Variants in LRCH3 observed in about 807,000 individuals in gnomAD.
LRCH3 encodes the protein DISP complex protein LRCH3.
Under a neutral mutation model 104.5 loss-of-function variants are expected in LRCH3, and 68 were observed. That is an observed-to-expected ratio of 0.65 (90% confidence interval 0.54 to 0.80). The LOEUF (loss-of-function observed/expected upper bound fraction) is 0.80, where lower values mean the gene tolerates loss of function less well. LRCH3 is among the 30% of genes least tolerant of loss of function. The pLI is 0.00. For missense variants in LRCH3, 951 were observed against 953.9 expected (o/e 1.00, Z 0.04); for synonymous variants, 344 against 361.3 (o/e 0.95, Z 0.54).
Position 197,847,903 on chromosome 3 carries a change from G to C in LRCH3, c.1412G>C (p.Arg471Thr). 1 of 1,614,082 alleles carries C rather than the reference G, an allele frequency of 6.2e-7. No homozygotes were observed. The highest frequency in any genetic ancestry group is 8.5e-7 in the Non-Finnish European group (1 of 1,180,004). Residue 471 changes from arginine to threonine, a missense_variant, in exon 12 of 21, where the codon AGA (arginine) becomes ACA (threonine). Physicochemically the swap from Arg to Thr is moderately conservative, Grantham distance 71. Coordinates refer to ENST00000425562, the MANE Select transcript of LRCH3 (RefSeq NM_001365715.1). ...LSHTDLELHQ[R>T]REQLVERTRR... ...CACACAGACCTGGAACTTCATCAGA[G>C]AAGGGAGCAGTTAGTAGAGCGCACT...
At chr3:197,851,541 A>C (rs75048108) in intron 12 of LRCH3, among the ~76,000 whole-genome samples, 2,694 of 152,334 alleles carry the variant, frequency 0.018, 102 homozygotes, top group African/African-American at 0.062. Context: ...GCCTAAATTC[A>C]GAAATCTCTG....
chr3:197,873,466 C>A (rs1465276488), intron 19 of LRCH3, among the ~76,000 whole-genome samples: 2 of 152,064 alleles, frequency 1.3e-5, no homozygotes, highest in African/African-American at 4.8e-5. Flanking sequence ...GTGGTTCACA[C>A]TTGTGAGCTC....
Position 197,810,768 on chromosome 3 carries a change from C to G in LRCH3, c.263-4140C>G, listed in dbSNP as rs552772227. ...AAAGGAAAAAGTACATTTGTTTCAT[C>G]TTCCCAGAAGCGGAAGTCACTAAAA... is the stretch of plus-strand genomic sequence containing the variant. On this transcript the variant is annotated intron_variant, in intron 1 of 20. Transcript: ENST00000425562. This position sits in a 1 kb window ranked among gnomAD's most constrained non-coding sequence, Gnocchi z 4.0. Among the ~76,000 whole-genome samples the G allele has an allele frequency of 5.9e-5, 9 of 152,028 alleles. No individual in the cohort carries two copies. The East Asian group carries it at 1.7e-3, about 29-fold the overall frequency.
At chr3:197,858,242 A>G (rs1015761423) in intron 14 of LRCH3, among the ~76,000 whole-genome samples, 7 of 152,298 alleles carry the variant, frequency 4.6e-5, no homozygotes, top group African/African-American at 1.7e-4. Flanking sequence ...TATAGATACA[A>G]TCTATCTCTA....
At chr3:197,869,497 C>G in intron 17 of LRCH3, among the ~76,000 whole-genome samples, 1 of 149,202 alleles carries the variant, frequency 6.7e-6, no homozygotes, top group Non-Finnish European at 1.5e-5. Context: ...AAGCGGTGCA[C>G]TGTACCTGCA....
intron 17 of LRCH3, among the ~76,000 whole-genome samples, chr3:197,868,603 A>T (rs1444195094): frequency 6.6e-6 from 1 of 152,242 alleles, no homozygotes; most frequent in Non-Finnish European, 1.5e-5. Flanking sequence ...GTCCATCAAG[A>T]GAATGGATAA....
intron 20 of LRCH3, chr3:197,882,925 A>T (rs983006677): frequency 1.0e-6 from 1 of 985,366 alleles, no homozygotes; most frequent in South Asian, 4.7e-5. Flanking sequence ...CAGATTTTTA[A>T]TTCAGACAGG....
chr3:197,865,170 G>T (rs189940036), intron 15 of LRCH3, among the ~76,000 whole-genome samples: 1 of 152,040 alleles, frequency 6.6e-6, no homozygotes, highest in African/African-American at 2.4e-5. Flanking sequence ...TAGACGTTTT[G>T]TAGAGACAGG....
chr3:197,838,041 C>T (rs1252753820), intron 9 of LRCH3, among the ~76,000 whole-genome samples: 4 of 150,974 alleles, frequency 2.6e-5, no homozygotes, highest in South Asian at 4.2e-4. Flanking sequence ...GCCTAGGTGA[C>T]AGAGCAAGAT....
At chr3:197,842,079 C>T (rs1260331734) in intron 10 of LRCH3, among the ~76,000 whole-genome samples, 1 of 152,058 alleles carries the variant, frequency 6.6e-6, no homozygotes, top group African/African-American at 2.4e-5. Flanking sequence ...AAGTACTAAC[C>T]CTCCTGCTTT....
intron 1 of LRCH3, 112 bp downstream of exon 1, chr3:197,791,652 G>C: frequency 8.0e-7 from 1 of 1,253,866 alleles, no homozygotes; most frequent in Non-Finnish European, 1.1e-6. Flanking sequence ...TAGGCGCCGG[G>C]TCCGGACCCG....
At chr3:197,792,439 C>T (rs7646134) in intron 1 of LRCH3, among the ~76,000 whole-genome samples, 1,883 of 149,232 alleles carry the variant, frequency 0.013, 36 homozygotes, top group African/African-American at 0.044. Flanking sequence ...GTCTGGTGCC[C>T]GAGTTGTTCA....
At chr3:197,869,838 G>C (rs1387489721) in intron 17 of LRCH3, among the ~76,000 whole-genome samples, 7 of 146,442 alleles carry the variant, frequency 4.8e-5, no homozygotes, top group Non-Finnish European at 9.0e-5. Flanking sequence ...TGTACCTGCA[G>C]GAGGTAGAAA....
chr3:197,791,612 G>A, intron 1 of LRCH3, 72 bp downstream of exon 1: 1 of 1,453,272 alleles, frequency 6.9e-7, no homozygotes, highest in Non-Finnish European at 9.0e-7. Context: ...GGGGGAGGCG[G>A]ATGCGGGGGA....
At position 197,884,710 on chromosome 3, in the gene LRCH3, A is replaced by G. The variant is rs1346053803; in HGVS notation, c.*1044A>G. 2 of 152,246 alleles carry G rather than the reference A, an allele frequency of 1.3e-5. No homozygotes were observed. Among genetic ancestry groups the G allele is most frequent in the African/African-American group, 4.8e-5 (2 of 41,458 alleles). The allele number at this position is 152,246 out of a possible 1,614,324, so 9.4% of individuals were successfully genotyped here. A position where few individuals can be genotyped will look rare whatever the true frequency, so the allele number is the denominator to read the frequency against. ...TCACCCACATTTAAAATCAAAAGCTATATTATGAGGAGTTGGACTGTTCTG... is the reference window on the plus strand; with the variant it reads ...TCACCCACATTTAAAATCAAAAGCTGTATTATGAGGAGTTGGACTGTTCTG... On this transcript the variant is annotated 3_prime_UTR_variant, in exon 21 of 21. Coordinates refer to ENST00000425562, the MANE Select transcript of LRCH3 (RefSeq NM_001365715.1).
chr3:197,872,375 A>G (rs2109531024), intron 19 of LRCH3, among the ~76,000 whole-genome samples: 1 of 151,808 alleles, frequency 6.6e-6, no homozygotes, highest in South Asian at 2.1e-4. Context: ...AAAAAAAAAA[A>G]AAAAAGGAAT....
chr3:197,867,650 G>A (rs12718052), intron 17 of LRCH3, among the ~76,000 whole-genome samples: 55,293 of 150,938 alleles, frequency 0.37, 11,707 homozygotes, highest in South Asian at 0.51. Context: ...TCAGGAGATC[G>A]AGACCATCCT....
intron 20 of LRCH3, chr3:197,881,155 C>T (rs1007045590): frequency 3.0e-6 from 3 of 1,013,984 alleles, no homozygotes; most frequent in Non-Finnish European, 3.5e-6. Context: ...CAGCTGCTCA[C>T]GAGGAGAACC....
At chr3:197,869,342 G>GCACTGTACCTGCAGGAAGTAGAAAGCGA (rs1711781470) in intron 17 of LRCH3, among the ~76,000 whole-genome samples, 1 of 110,358 alleles carries the variant, frequency 9.1e-6, no homozygotes. Flanking sequence ...GTAGAAAGCG[G>GCACTGTACCTGCAGGAAGTAGAAAGCGA]TGCACTGTAC....
Sources: gnomAD v4.1 joint callset for allele counts (sites outside exome capture counted in the v4.1 genomes callset) on GRCh38, gnomAD v4.1.1 for gene constraint, Gnocchi (gnomAD v3.1) non-coding constraint, MANE v1.5 for transcripts, NCBI Gene and HGNC (gene_info 2026-07-23, HGNC 2026-07-21) for gene names.